ASTN2: variants seen among roughly 807,000 people sequenced by gnomAD.
ASTN2 encodes astrotactin 2.
ASTN2 carries 54 observed loss-of-function variants against 139.8 expected under a neutral mutation model. The ratio of observed to expected loss-of-function variants is 0.39; its 90% CI spans 0.31 to 0.48. The LOEUF is 0.48. Among genes scored for constraint, ASTN2 ranks in the 20% least tolerant of loss-of-function variants. The pLI, the probability that ASTN2 is intolerant of heterozygous loss-of-function variation, is 0.95. For missense variants in ASTN2, 1,565 were observed against 1,725.1 expected (o/e 0.91, Z 1.64); for synonymous variants, 756 against 719.5 (o/e 1.05, Z -0.81).
At chr9:116,721,264 T>C (rs375282655) in intron 16 of ASTN2, among the ~76,000 whole-genome samples, 5 of 152,332 alleles carry the variant, frequency 3.3e-5, no homozygotes, top group African/African-American at 1.2e-4. Flanking sequence ...GGGATTTGAA[T>C]TGAGATCCAT....
intron 1 of ASTN2, among the ~76,000 whole-genome samples, chr9:117,400,135 G>A (rs1296371097): frequency 1.3e-5 from 2 of 152,128 alleles, no homozygotes; most frequent in Non-Finnish European, 2.9e-5. Flanking sequence ...AAGAGACTTG[G>A]CTCTTACAAT....
intron 1 of ASTN2, among the ~76,000 whole-genome samples, chr9:117,403,180 G>C (rs1022541975): frequency 6.6e-6 from 1 of 152,186 alleles, no homozygotes; most frequent in East Asian, 1.9e-4. Context: ...AGAGCCTGAG[G>C]TCTACCGTGA....
At chr9:116,555,747 A>G (rs1678571772) in intron 19 of ASTN2, among the ~76,000 whole-genome samples, 1 of 152,174 alleles carries the variant, frequency 6.6e-6, no homozygotes, top group Admixed American at 6.5e-5. Context: ...ACAAACAAAA[A>G]AAACCACACA....
chr9:116,445,954 G>T, intron 20 of ASTN2, among the ~76,000 whole-genome samples: 1 of 152,178 alleles, frequency 6.6e-6, no homozygotes, highest in Non-Finnish European at 1.5e-5. Context: ...TGGGTCAAAA[G>T]TCACAAGGCC....
chr9:116,430,370 T>A (rs1462107176), intron 22 of ASTN2, among the ~76,000 whole-genome samples: 1 of 152,158 alleles, frequency 6.6e-6, no homozygotes, highest in African/African-American at 2.4e-5. Flanking sequence ...CTCTAGAATC[T>A]CAGATTTAAA....
At chr9:117,030,922 A>T (rs1838229608) in intron 6 of ASTN2, among the ~76,000 whole-genome samples, 1 of 152,196 alleles carries the variant, frequency 6.6e-6, no homozygotes, top group Admixed American at 6.5e-5. Context: ...TTCTGACTGA[A>T]GCCTAGCCTT....
intron 10 of ASTN2, among the ~76,000 whole-genome samples, chr9:116,944,069 T>C (rs956480385): frequency 1.3e-5 from 2 of 152,078 alleles, no homozygotes; most frequent in African/African-American, 4.8e-5. Flanking sequence ...GGTGCTTTTA[T>C]AAATATGAGC....
At chr9:117,306,953 C>G (rs376426211) in intron 1 of ASTN2, among the ~76,000 whole-genome samples, 22 of 152,138 alleles carry the variant, frequency 1.4e-4, no homozygotes, top group Non-Finnish European at 2.2e-4. Context: ...GTGCCTATCA[C>G]AGAGGGAATC....
chr9:116,737,973 A>G (rs1588252866), intron 13 of ASTN2, among the ~76,000 whole-genome samples: 1 of 147,974 alleles, frequency 6.8e-6, no homozygotes, highest in Admixed American at 6.7e-5. Flanking sequence ...CGGGCGGATC[A>G]CGAGGTCAGG....
At chr9:117,106,552 T>C (rs1295850443) in intron 4 of ASTN2, among the ~76,000 whole-genome samples, 3 of 152,186 alleles carry the variant, frequency 2.0e-5, no homozygotes, top group African/African-American at 7.2e-5. Flanking sequence ...GTTTAAAAAT[T>C]ATAATTTTTG....
At chr9:116,792,953 G>A (rs1830596128) in intron 13 of ASTN2, among the ~76,000 whole-genome samples, 1 of 152,068 alleles carries the variant, frequency 6.6e-6, no homozygotes, top group Non-Finnish European at 1.5e-5. Flanking sequence ...CTACTGAGGG[G>A]GGAAGGAGAA....
chr9:116,496,817 T>A (rs761968566), intron 19 of ASTN2, among the ~76,000 whole-genome samples: 18 of 152,234 alleles, frequency 1.2e-4, no homozygotes, highest in Non-Finnish European at 2.5e-4. Flanking sequence ...GCAAGAGAGC[T>A]TGTGCAGGGG....
At chr9:117,225,541 A>ATG (rs1165311512) in intron 2 of ASTN2, among the ~76,000 whole-genome samples, 3 of 65,228 alleles carry the variant, frequency 4.6e-5, no homozygotes, top group East Asian at 8.3e-4. Context: ...GTATGTATAT[A>ATG]TATATATATA....
At position 117,035,323 on chromosome 9, in the gene ASTN2, A is replaced by G. The variant is rs559783106; in HGVS notation, c.1423+4496T>C. On this transcript the variant is annotated intron_variant, in intron 6 of 22. Coordinates refer to ENST00000313400, the MANE Select transcript of ASTN2 (RefSeq NM_001365068.1). ...CCAGTATTATGATGTGGGTGAATAC[A>G]TATATGTAAAATATCATAGAATTGT... Among the ~76,000 whole-genome samples the G allele has an allele frequency of 2.0e-5, 3 of 152,284 alleles. 1 individual carries two copies. Among genetic ancestry groups the G allele is most frequent in the East Asian group, 3.9e-4 (2 of 5,170 alleles).
At position 116,440,904 on chromosome 9, in the gene ASTN2, C is replaced by T. The variant is rs1360094566; in HGVS notation, c.3599-112G>A. 4 of 1,083,516 alleles carry T rather than the reference C, an allele frequency of 3.7e-6. No individual in the cohort carries two copies. In the East Asian group the frequency reaches 7.2e-5, roughly 20 times the overall value. 67.1% of individuals were successfully genotyped at this position (1,083,516 alleles called of 1,614,324 possible). On this transcript the variant is annotated intron_variant, in intron 21 of 22. Transcript: ENST00000313400. ...TGGTGAGAAAGTTTGCTTGCATAAG[C>T]TCTGGGAGCAGACAAACCTTAATTT...
chr9:116,956,094 C>CTTTTTT (rs71379245), intron 10 of ASTN2, among the ~76,000 whole-genome samples: 398 of 118,930 alleles, frequency 3.3e-3, no homozygotes, highest in Middle Eastern at 5.7e-3. Context: ...TTTTTCTTTT[C>CTTTTTT]TTTTTTTTTT....
chr9:117,136,224 A>G (rs1343716311), intron 4 of ASTN2, among the ~76,000 whole-genome samples: 1 of 152,200 alleles, frequency 6.6e-6, no homozygotes, highest in Non-Finnish European at 1.5e-5. Context: ...ATTCTGGCCT[A>G]TGGAAATCCT....
chr9:117,027,347 C>T (rs866789912), intron 6 of ASTN2, among the ~76,000 whole-genome samples: 51 of 152,100 alleles, frequency 3.4e-4, no homozygotes, highest in African/African-American at 1.2e-3. Context: ...GTGACTCTTC[C>T]ACTCCTTTTA....
chr9:117,411,446 C>CAAA (rs199996219), intron 1 of ASTN2, among the ~76,000 whole-genome samples: 1,244 of 42,736 alleles, frequency 0.029, 85 homozygotes, highest in African/African-American at 0.097. Context: ...AAAGGATCTG[C>CAAA]AAAAAAAAAA....
Sources: allele counts gnomAD v4.1 joint callset (sites outside exome capture counted in the v4.1 genomes callset), GRCh38; gene constraint gnomAD v4.1.1; transcripts MANE v1.5; gene names NCBI Gene and HGNC (gene_info 2026-07-23, HGNC 2026-07-21).